Variants in AMY2B observed in about 807,000 individuals in gnomAD.
The protein encoded by AMY2B is amylase alpha 2B.
Under a neutral mutation model 59.3 loss-of-function variants are expected in AMY2B, and 63 were observed. That is an observed-to-expected ratio of 1.06 (90% CI 0.87 to 1.31). The LOEUF is 1.31. AMY2B is among the 50% of genes most tolerant of loss of function. The pLI, the probability that AMY2B is intolerant of heterozygous loss-of-function variation, is 0.00. For synonymous variants in AMY2B, 180 were observed against 198.1 expected, an observed-to-expected ratio of 0.91 and a Z score of 0.77; for missense variants, 635 against 626.7, an observed-to-expected ratio of 1.01 and a Z score of -0.14.
chr1:103,571,377 C>G (rs1652123756), upstream of AMY2B: 4 of 1,146,262 alleles, frequency 3.5e-6, no homozygotes, highest in South Asian at 5.0e-5. Flanking sequence ...AAAAGTGCTG[C>G]CAGAACCAAA....
chr1:103,561,541 C>T (rs1651734668), intron 1 of AMY2B, among the ~76,000 whole-genome samples: 1 of 152,078 alleles, frequency 6.6e-6, no homozygotes, highest in African/African-American at 2.4e-5. Context: ...TCTCATTTAA[C>T]TAATTTAACC....
rs142179530 is a variant in AMY2B at position 103,575,257 on chromosome 1, G to A, written c.913G>A (p.Asp305Asn). Reference sequence around the variant, plus strand: ...AGAAGGTTGGGGTTTCATGCCTTCTGACAGAGCACTTGTCTTTGTGGATAA... The same window carrying A: ...AGAAGGTTGGGGTTTCATGCCTTCTAACAGAGCACTTGTCTTTGTGGATAA... ...WGEGWGFMPS[D>N]RALVFVDNHD... is the part of the protein sequence containing the mutation. The change falls in exon 6 of 10, where the codon GAC (aspartate) becomes AAC (asparagine). Residue 305 changes from aspartate (D) to asparagine (N), a missense_variant. By Grantham distance (23) the Asp-to-Asn change is conservative (BLOSUM62 1). Coordinates refer to ENST00000684275, the MANE Select transcript of AMY2B (RefSeq NM_001387437.1). The A allele has an allele frequency of 3.2e-5, 52 of 1,613,498 alleles. No homozygotes were observed. The highest frequency in any genetic ancestry group is 4.4e-5 in the Non-Finnish European group (52 of 1,179,680).
chr1:103,565,735 T>G (rs1344384587), intron 2 of AMY2B: 1 of 152,150 alleles, frequency 6.6e-6, no homozygotes, highest in African/African-American at 2.4e-5. Context: ...CCATAGTCTT[T>G]GTAGAGAGAG....
upstream of AMY2B, chr1:103,571,203 A>T: frequency 1.3e-6 from 1 of 779,696 alleles, no homozygotes; most frequent in Non-Finnish European, 1.7e-6. Context: ...CTTGAGTTGG[A>T]AGCGGTTTGC....
chr1:103,556,179 CTCTTAGG>C (rs199640979), intron 1 of AMY2B, among the ~76,000 whole-genome samples: 2,982 of 152,264 alleles, frequency 0.02, 94 homozygotes, highest in African/African-American at 0.068. Flanking sequence ...AGTAAACATA[CTCTTAGG>C]CAATCTGTGG....
intron 1 of AMY2B, among the ~76,000 whole-genome samples, chr1:103,556,036 G>A (rs907589936): frequency 6.6e-6 from 1 of 152,166 alleles, no homozygotes; most frequent in Non-Finnish European, 1.5e-5. Flanking sequence ...CGGTAGTTCA[G>A]TAAATAGGAG....
intron 9 of AMY2B, 118 bp from the exon 10 acceptor site, chr1:103,579,193 T>C: frequency 6.4e-7 from 1 of 1,573,328 alleles, no homozygotes; most frequent in Non-Finnish European, 8.6e-7. Flanking sequence ...TGGGTTTTCT[T>C]CTTAATGAGA....
At chr1:103,558,028 TGTTA>T (rs577889013) in intron 1 of AMY2B, among the ~76,000 whole-genome samples, 66 of 152,332 alleles carry the variant, frequency 4.3e-4, no homozygotes, top group Middle Eastern at 3.4e-3. Flanking sequence ...TTATTTTTCC[TGTTA>T]GTTTTTATTT....
upstream of AMY2B, chr1:103,571,052 T>G: frequency 2.0e-6 from 1 of 512,734 alleles, no homozygotes; most frequent in Non-Finnish European, 2.7e-6. Context: ...TGTTCTGGGA[T>G]TTGTCTACAG....
chr1:103,567,878 A>T (rs1651962640), upstream of AMY2B, among the ~76,000 whole-genome samples: 2 of 151,874 alleles, frequency 1.3e-5, no homozygotes, highest in South Asian at 4.1e-4. Context: ...TTGGGACATT[A>T]CTCTTGCTCT....
chr1:103,570,801 G>A, upstream of AMY2B: 3 of 454,276 alleles, frequency 6.6e-6, no homozygotes, highest in Non-Finnish European at 8.8e-6. Flanking sequence ...AAAATAAGTT[G>A]TCTTTAAAGC....
intron 1 of AMY2B, among the ~76,000 whole-genome samples, chr1:103,555,730 T>C (rs1288215054): frequency 1.3e-5 from 2 of 152,154 alleles, no homozygotes; most frequent in Admixed American, 1.3e-4. Context: ...AAGAATTTAA[T>C]ATAGTGAGTA....
At chr1:103,577,443 G>A (rs1426131576) in intron 7 of AMY2B, 47 bp from the exon 8 acceptor site, 37 of 1,611,386 alleles carry the variant, frequency 2.3e-5, no homozygotes, top group Non-Finnish European at 3.1e-5. Flanking sequence ...AGAAGGAAGA[G>A]GTAAATATAT....
chr1:103,576,531 T>A (rs1652360675), intron 7 of AMY2B, among the ~76,000 whole-genome samples: 1 of 152,162 alleles, frequency 6.6e-6, no homozygotes, highest in African/African-American at 2.4e-5. Flanking sequence ...TTTCACCATA[T>A]GACATAATTC....
chr1:103,570,076 C>G (rs952865900), upstream of AMY2B: 2 of 435,258 alleles, frequency 4.6e-6, no homozygotes, highest in African/African-American at 2.0e-5. Flanking sequence ...TGACACCATT[C>G]TGCATCTGGA....
At chr1:103,571,826 A>G in intron 1 of AMY2B, 56 bp downstream of exon 1, 1 of 1,611,940 alleles carries the variant, frequency 6.2e-7, no homozygotes. Context: ...AGTAAATAGT[A>G]TTCTGATCTT....
intron 2 of AMY2B, 145 bp downstream of exon 2, chr1:103,572,401 C>A: frequency 1.4e-6 from 2 of 1,417,966 alleles, no homozygotes; most frequent in Non-Finnish European, 1.9e-6. Flanking sequence ...TTAACCGTTG[C>A]CTTATGTTCA....
At chr1:103,569,981 A>G, upstream of AMY2B, 1 of 453,868 alleles carries the variant, frequency 2.2e-6, no homozygotes, top group Non-Finnish European at 4.4e-6. Flanking sequence ...GTCCCTCTAC[A>G]CCTGTGGTTG....
At chr1:103,558,360 T>A (rs1048002426) in intron 1 of AMY2B, among the ~76,000 whole-genome samples, 1 of 152,198 alleles carries the variant, frequency 6.6e-6, no homozygotes, top group African/African-American at 2.4e-5. Flanking sequence ...TCTGTCCTGA[T>A]TGATACAGCC....
Sources: allele counts gnomAD v4.1 joint callset (sites outside exome capture counted in the v4.1 genomes callset), GRCh38; gene constraint gnomAD v4.1.1; transcripts MANE v1.5; gene names NCBI Gene and HGNC (gene_info 2026-07-23, HGNC 2026-07-21).